RTN4IP1: variants seen among roughly 807,000 people sequenced by gnomAD.
RTN4IP1 encodes NAD(P)H oxidoreductase RTN4IP1, mitochondrial.
Under a neutral mutation model 46.6 loss-of-function variants are expected in RTN4IP1, and 32 were observed. That is an observed-to-expected ratio of 0.69 (90% CI 0.52 to 0.92). The LOEUF (loss-of-function observed/expected upper bound fraction) is 0.92. Among genes scored for constraint, RTN4IP1 ranks in the 40% least tolerant of loss-of-function variants. The pLI is 0.00. For synonymous variants in RTN4IP1, 167 were observed against 161.8 expected (o/e 1.03, Z -0.24); for missense variants, 424 against 485.8 (o/e 0.87, Z 1.20).
rs566712554 is a variant in RTN4IP1, at chr6:106,599,668, C to T, written c.669+3206G>A. Among the ~76,000 whole-genome samples the T allele has an allele frequency of 9.2e-5, 14 of 152,064 alleles. No individual in the cohort carries two copies. The South Asian group carries it at 2.9e-3, about 32-fold the overall frequency. On this transcript the variant is annotated intron_variant, in intron 5 of 8. Coordinates refer to ENST00000369063, the MANE Select transcript of RTN4IP1 (RefSeq NM_032730.5). ...CATAATATTCCAATGTAAGAATATA[C>T]CACAATTTACTTACTCATTTTACTG...
At chr6:106,579,907 C>G (rs887984122) in intron 8 of RTN4IP1, among the ~76,000 whole-genome samples, 1 of 151,852 alleles carries the variant, frequency 6.6e-6, no homozygotes, top group Non-Finnish European at 1.5e-5. Flanking sequence ...AGCCACCACG[C>G]CCAGCTCAGA....
At position 106,606,292 on chromosome 6, in the gene RTN4IP1, G is replaced by A. The variant is rs189358691; in HGVS notation, c.621-3370C>T. Among the ~76,000 whole-genome samples the A allele has an allele frequency of 2.7e-4, 41 of 152,018 alleles. No individual in the cohort carries two copies. The East Asian group carries it at 5.8e-3, about 22-fold the overall frequency. ...AAATTAGCTGGGCACAGTGGCACAC[G>A]CTTGTAGTCCTAGCTATTTGGGAGG... is the stretch of plus-strand genomic sequence containing the variant. On this transcript the variant is annotated intron_variant, in intron 4 of 8. Coordinates refer to ENST00000369063, the MANE Select transcript of RTN4IP1 (RefSeq NM_032730.5).
At chr6:106,590,651 G>T (rs1388592545) in intron 6 of RTN4IP1, among the ~76,000 whole-genome samples, 1 of 140,228 alleles carries the variant, frequency 7.1e-6, no homozygotes. Context: ...GAAGGCAGAG[G>T]TTGCAGTGAG....
At chr6:106,582,643 T>C (rs1163194090) in intron 8 of RTN4IP1, among the ~76,000 whole-genome samples, 1 of 152,160 alleles carries the variant, frequency 6.6e-6, no homozygotes, top group East Asian at 1.9e-4. Flanking sequence ...GAATACCACC[T>C]TCTGGGTTAT....
At chr6:106,574,329 G>A (rs1287775467) in intron 8 of RTN4IP1, among the ~76,000 whole-genome samples, 1 of 151,966 alleles carries the variant, frequency 6.6e-6, no homozygotes, top group Admixed American at 6.5e-5. Context: ...TGTAATCCCA[G>A]CTACTCGGGA....
chr6:106,594,886 C>A (rs1020489382), intron 5 of RTN4IP1, among the ~76,000 whole-genome samples: 2 of 151,922 alleles, frequency 1.3e-5, no homozygotes, highest in East Asian at 3.9e-4. Flanking sequence ...CTGCAACCTC[C>A]ACCTCCCAGG....
chr6:106,622,476 G>C (rs1776506952), intron 2 of RTN4IP1, among the ~76,000 whole-genome samples: 1 of 152,148 alleles, frequency 6.6e-6, no homozygotes, highest in Non-Finnish European at 1.5e-5. Context: ...TAGGGAATGT[G>C]GGGGAGTTTA....
intron 3 of RTN4IP1, among the ~76,000 whole-genome samples, chr6:106,621,106 C>T (rs965553104): frequency 6.6e-5 from 10 of 152,158 alleles, no homozygotes; most frequent in Non-Finnish European, 1.5e-4. Context: ...CATGTCTCCA[C>T]TGATGACTAA....
chr6:106,625,021 T>C (rs972347786), intron 1 of RTN4IP1, among the ~76,000 whole-genome samples: 2 of 152,004 alleles, frequency 1.3e-5, no homozygotes, highest in African/African-American at 2.4e-5. Flanking sequence ...AAACATTCTT[T>C]TAATTTTTTG....
chr6:106,618,725 A>G (rs1776409259), intron 4 of RTN4IP1, among the ~76,000 whole-genome samples: 2 of 152,222 alleles, frequency 1.3e-5, no homozygotes, highest in Admixed American at 6.5e-5. Flanking sequence ...TGAGACTGAG[A>G]GAACTTAAGA....
chr6:106,629,554 C>A (rs567357808), upstream of RTN4IP1: 108 of 1,182,462 alleles, frequency 9.1e-5, 1 homozygote, highest in South Asian at 1.5e-3. Flanking sequence ...TCAACCAATC[C>A]AAGTACTCGG....
At chr6:106,597,459 C>T (rs1230282699) in intron 5 of RTN4IP1, among the ~76,000 whole-genome samples, 2 of 152,120 alleles carry the variant, frequency 1.3e-5, no homozygotes, top group African/African-American at 2.4e-5. Context: ...ATCCTCACAC[C>T]TCAGCCTCTC....
intron 4 of RTN4IP1, among the ~76,000 whole-genome samples, chr6:106,605,517 G>T (rs1440994834): frequency 6.7e-6 from 1 of 150,024 alleles, no homozygotes; most frequent in South Asian, 2.1e-4. Context: ...TACAGCCAAA[G>T]AAATCATACA....
chr6:106,571,918 G>C lies in RTN4IP1; in HGVS notation c.*78C>G. 2.3e-6 allele frequency: 2 copies of C among 879,160 alleles called. No individual in the cohort carries two copies. Among genetic ancestry groups the C allele is most frequent in the South Asian group, 1.4e-5 (1 of 70,696 alleles). The allele number at this position is 879,160 out of a possible 1,614,324, so 54.5% of individuals were successfully genotyped here. On this transcript the variant is annotated 3_prime_UTR_variant, in exon 9 of 9. Transcript: ENST00000369063. ...ATCTAATCTGGAAAAATGTTTGAAA[G>C]GGATGGCTAGAAAAAAATTTGGGCT...
intron 1 of RTN4IP1, among the ~76,000 whole-genome samples, 178 bp from the exon 2 acceptor site, chr6:106,623,147 G>A (rs1294204795): frequency 6.6e-6 from 1 of 150,448 alleles, no homozygotes. Context: ...GCAAAGACAT[G>A]GACTCAACCT....
intron 4 of RTN4IP1, among the ~76,000 whole-genome samples, chr6:106,615,565 C>T (rs944135122): frequency 5.3e-5 from 8 of 152,114 alleles, no homozygotes; most frequent in Non-Finnish European, 1.0e-4. Flanking sequence ...ACCTCCGCCT[C>T]CCGTGTTCAA....
At chr6:106,627,990 C>G (rs888189189) in intron 1 of RTN4IP1, among the ~76,000 whole-genome samples, 1 of 143,294 alleles carries the variant, frequency 7.0e-6, no homozygotes, top group Non-Finnish European at 1.5e-5. Context: ...ATCGCTTGAA[C>G]CCGGAAGGCG....
intron 7 of RTN4IP1, among the ~76,000 whole-genome samples, chr6:106,584,518 A>G (rs1005213380): frequency 1.3e-5 from 2 of 152,186 alleles, no homozygotes; most frequent in African/African-American, 4.8e-5. Flanking sequence ...GAAACCCCCT[A>G]CAACAGCACT....
intron 8 of RTN4IP1, among the ~76,000 whole-genome samples, chr6:106,582,626 A>T (rs1193364758): frequency 6.6e-6 from 1 of 152,190 alleles, no homozygotes; most frequent in African/African-American, 2.4e-5. Context: ...AAAAAATATC[A>T]GCACCAGAAT....
Sources: allele counts gnomAD v4.1 joint callset (sites outside exome capture counted in the v4.1 genomes callset), GRCh38; gene constraint gnomAD v4.1.1; transcripts MANE v1.5; gene names NCBI Gene and HGNC (gene_info 2026-07-23, HGNC 2026-07-21).